TSKS: variants seen among roughly 807,000 people sequenced by gnomAD.
The protein encoded by TSKS is testis specific serine kinase substrate.
A neutral mutation model predicts 68.0 loss-of-function variants in TSKS; 27 were observed. The observed-to-expected ratio is 0.40, with a 90% confidence interval of 0.29 to 0.55. The LOEUF (loss-of-function observed/expected upper bound fraction) is 0.55. Among genes scored for constraint, TSKS ranks in the 20% least tolerant of loss-of-function variants. The pLI is 0.53. For synonymous variants in TSKS, 331 were observed against 340.4 expected (o/e 0.97, Z 0.30); for missense variants, 806 against 776.0 (o/e 1.04, Z -0.46).
chr19:49,762,906 T>C (rs975636735), intron 1 of TSKS, among the ~76,000 whole-genome samples, 172 bp downstream of exon 1: 1 of 152,028 alleles, frequency 6.6e-6, no homozygotes, highest in African/African-American at 2.4e-5. Context: ...CATTACCTTC[T>C]TCCTCTCTAC....
At chr19:49,747,503 C>T in intron 4 of TSKS, 31 bp from the exon 5 acceptor site, 3 of 1,608,430 alleles carry the variant, frequency 1.9e-6, no homozygotes, top group Non-Finnish European at 2.6e-6. Context: ...AGGGCCCTGC[C>T]TTCCCATTCC....
At chr19:49,748,032 C>CT in intron 4 of TSKS, 53 bp downstream of exon 4, 1 of 1,557,114 alleles carries the variant, frequency 6.4e-7, no homozygotes. Flanking sequence ...CTCCCACCCT[C>CT]TTCTTACTCC....
Position 49,745,273 on chromosome 19 carries a change from T to C in TSKS, c.1116A>G (p.Ala372=). ...GCGCCGTCTGTGCCTGTTCGCGCTGTGCCCGCTCCCACTGGCCTAGGAAGC... is the reference window on the plus strand; with the variant it reads ...GCGCCGTCTGTGCCTGTTCGCGCTGCGCCCGCTCCCACTGGCCTAGGAAGC... The part of the protein sequence containing the change: ...VDGFLGQWER[A]QREQAQTARD... The change falls in exon 7 of 11, where the codon GCA becomes GCG. Residue 372 remains alanine (A), a synonymous_variant. Coordinates refer to ENST00000246801, the MANE Select transcript of TSKS (RefSeq NM_021733.2). 1 of 1,607,848 alleles carries C rather than the reference T, an allele frequency of 6.2e-7. No individual in the cohort carries two copies. The highest frequency in any genetic ancestry group is 1.1e-5 in the South Asian group (1 of 91,030).
chr19:49,747,472 C>T lies in TSKS; in HGVS notation c.580G>A (p.Glu194Lys), dbSNP rs2084312794. Residue 194 changes from glutamate to lysine, a missense_variant and splice_region_variant, in exon 5 of 11, where the codon GAG (glutamate) becomes AAG (lysine). Physicochemically the swap from Glu to Lys is moderately conservative, Grantham distance 56. Transcript: ENST00000246801. Reference protein sequence around the residue: ...ELEGYCIQLKENCWKVTRSVE... With the variant: ...ELEGYCIQLKKNCWKVTRSVE... ...GACCGGGTCACCTTCCAGCAGTTCT[C>T]CTGGGTCAGACACCAGGGCGAGGGC... 6.2e-7 allele frequency: 1 copy of T among 1,614,198 alleles called. No homozygotes were observed. Among genetic ancestry groups the T allele is most frequent in the Non-Finnish European group, 8.5e-7 (1 of 1,180,012 alleles).
chr19:49,747,477 G>C lies in TSKS; in HGVS notation c.580-5C>G. 1 of 1,614,004 alleles carries C rather than the reference G, an allele frequency of 6.2e-7. No individual in the cohort carries two copies. On this transcript the variant is annotated splice_region_variant and splice_polypyrimidine_tract_variant and intron_variant, in intron 4 of 10. Transcript: ENST00000246801. Reference sequence around the variant, plus strand: ...GGTCACCTTCCAGCAGTTCTCCTGGGTCAGACACCAGGGCGAGGGCCCTGC... The same window carrying C: ...GGTCACCTTCCAGCAGTTCTCCTGGCTCAGACACCAGGGCGAGGGCCCTGC...
At position 49,746,507 on chromosome 19, in the gene TSKS, C is replaced by G; in HGVS notation, c.955G>C (p.Glu319Gln). ...ATGCCGGTGAACAGCTTCTGCAATT[C>G]CTGCTCGCTCACGTAGGGGCCCTCG... ...AGEGPYVSEQ[E>Q]LQKLFTGIEE... The change falls in exon 6 of 11, where the codon GAA becomes CAA. Residue 319 changes from glutamate (E) to glutamine (Q), a missense_variant. Physicochemically the swap from Glu to Gln is conservative, Grantham distance 29 (BLOSUM62 2). Coordinates refer to ENST00000246801, the MANE Select transcript of TSKS (RefSeq NM_021733.2). The G allele has an allele frequency of 2.5e-6, 4 of 1,613,958 alleles. No individual in the cohort carries two copies. The highest frequency in any genetic ancestry group is 3.4e-6 in the Non-Finnish European group (4 of 1,179,960).
At chr19:49,741,280 C>T (rs373946983) in intron 9 of TSKS, among the ~76,000 whole-genome samples, 4 of 152,288 alleles carry the variant, frequency 2.6e-5, no homozygotes, top group East Asian at 1.9e-4. Flanking sequence ...TCCTATAGCT[C>T]GGCCACATCA....
intron 9 of TSKS, among the ~76,000 whole-genome samples, chr19:49,740,699 C>G (rs1252333267): frequency 6.6e-6 from 1 of 151,710 alleles, no homozygotes; most frequent in Non-Finnish European, 1.5e-5. Context: ...GCCTGGCCAA[C>G]AGGGTGAAAC....
At chr19:49,744,438 C>A in intron 7 of TSKS, 34 bp from the exon 8 acceptor site, 1 of 1,600,640 alleles carries the variant, frequency 6.2e-7, no homozygotes, top group Non-Finnish European at 8.6e-7. Context: ...GCTGGGTCGT[C>A]TCTTCAGCGG....
intron 9 of TSKS, among the ~76,000 whole-genome samples, chr19:49,740,916 C>T (rs936747025): frequency 6.6e-5 from 10 of 151,470 alleles, no homozygotes; most frequent in East Asian, 1.9e-4. Flanking sequence ...CAGTGGCTCA[C>T]GCCTGTAATC....
chr19:49,744,164 A>G (rs1250364317), intron 8 of TSKS, 67 bp downstream of exon 8: 2 of 1,534,276 alleles, frequency 1.3e-6, no homozygotes, highest in Non-Finnish European at 1.8e-6. Flanking sequence ...CTAATGTCCC[A>G]TCTCCTTCCG....
chr19:49,743,999 G>T (rs1322444204), intron 8 of TSKS, among the ~76,000 whole-genome samples: 7 of 152,186 alleles, frequency 4.6e-5, no homozygotes, highest in Non-Finnish European at 7.3e-5. Flanking sequence ...GAGCCACCGC[G>T]CCCGGCCTGT....
At chr19:49,739,966 T>C (rs760524948) in intron 10 of TSKS, 34 bp from the exon 11 acceptor site, 2 of 1,608,120 alleles carry the variant, frequency 1.2e-6, no homozygotes, top group South Asian at 1.1e-5. Context: ...GATGGCGGCA[T>C]GGCTAGGTGC....
intron 2 of TSKS, among the ~76,000 whole-genome samples, chr19:49,758,998 C>T (rs1313163707): frequency 1.3e-5 from 2 of 151,890 alleles, no homozygotes; most frequent in Non-Finnish European, 2.9e-5. Context: ...GCTGGGATTA[C>T]AGGCATGTGC....
chr19:49,749,405 TAA>T (rs1369321492), intron 2 of TSKS, among the ~76,000 whole-genome samples: 1 of 152,140 alleles, frequency 6.6e-6, no homozygotes, highest in East Asian at 1.9e-4. Context: ...TTATATCACA[TAA>T]AGTGTTGTGC....
At chr19:49,753,627 C>G (rs866472376) in intron 2 of TSKS, among the ~76,000 whole-genome samples, 57 of 149,144 alleles carry the variant, frequency 3.8e-4, no homozygotes, top group South Asian at 1.5e-3. Context: ...GTAGTGCACA[C>G]CTGTAGTCCC....
chr19:49,743,042 T>C (rs931681170), intron 8 of TSKS, among the ~76,000 whole-genome samples: 5 of 151,390 alleles, frequency 3.3e-5, no homozygotes, highest in African/African-American at 1.2e-4. Flanking sequence ...ATCCCAGCCT[T>C]CCCACAATGC....
intron 8 of TSKS, among the ~76,000 whole-genome samples, chr19:49,742,353 A>G (rs886175225): frequency 7.9e-5 from 12 of 152,052 alleles, no homozygotes; most frequent in African/African-American, 2.9e-4. Flanking sequence ...ATGTGCCGCC[A>G]CATCCGGCTA....
chr19:49,746,671 G>A lies in TSKS; in HGVS notation c.791C>T (p.Pro264Leu), dbSNP rs1376996311. The change falls in exon 6 of 11, where the codon CCG becomes CTG. Residue 264 changes from proline to leucine, a missense_variant. Pro to Leu is a moderately conservative substitution (Grantham distance 98, BLOSUM62 -3). Coordinates refer to ENST00000246801, the MANE Select transcript of TSKS (RefSeq NM_021733.2). The part of the protein sequence containing the change: ...EKQEPEEKQK[P>L]EAGLSWNSLG... ...GCTGTTCCAGGAGAGGCCAGCCTCC[G>A]GCTTCTGCTTCTCCTCCGGCTCCTG... 3.1e-6 allele frequency: 5 copies of A among 1,604,124 alleles called. No individual in the cohort carries two copies. Among genetic ancestry groups the A allele is most frequent in the East Asian group, 2.2e-5 (1 of 44,784 alleles).
Sources: gnomAD v4.1 joint callset for allele counts (sites outside exome capture counted in the v4.1 genomes callset) on GRCh38, gnomAD v4.1.1 for gene constraint, MANE v1.5 for transcripts, NCBI Gene and HGNC (gene_info 2026-07-23, HGNC 2026-07-21) for gene names.